RAB4A: variants seen among roughly 807,000 people sequenced by gnomAD.
RAB4A encodes ras-related protein Rab-4A.
Under a neutral mutation model 34.5 loss-of-function variants are expected in RAB4A, and 20 were observed. The ratio of observed to expected loss-of-function variants is 0.58; its 90% CI spans 0.41 to 0.84. The LOEUF is 0.84. Among genes scored for constraint, RAB4A ranks in the 40% least tolerant of loss-of-function variants. RAB4A has a pLI of 0.00. For missense variants in RAB4A, 228 were observed against 274.5 expected (o/e 0.83, Z 1.20); for synonymous variants, 102 against 100.0 (o/e 1.02, Z -0.12).
chr1:229,302,846 C>A lies in RAB4A; in HGVS notation c.542-16C>A. On this transcript the variant is annotated splice_polypyrimidine_tract_variant and intron_variant, in intron 6 of 7. Coordinates refer to ENST00000366690, the MANE Select transcript of RAB4A (RefSeq NM_004578.4). ...CATAAAAGCCTTTTTTAAAAGAAGA[C>A]TTGCTTGGTCCTTAGGTGAGCTGGA... 1 of 1,550,066 alleles carries A rather than the reference C, an allele frequency of 6.5e-7. No homozygotes were observed. Among genetic ancestry groups the A allele is most frequent in the Non-Finnish European group, 8.8e-7 (1 of 1,138,982 alleles).
intron 1 of RAB4A, among the ~76,000 whole-genome samples, chr1:229,285,491 T>C (rs1656899527): frequency 2.0e-5 from 3 of 152,238 alleles, no homozygotes; most frequent in South Asian, 2.1e-4. Flanking sequence ...TGGAGCTTAA[T>C]TGAGGAGGGA....
intron 1 of RAB4A, among the ~76,000 whole-genome samples, chr1:229,282,321 C>T (rs1336169606): frequency 6.6e-6 from 1 of 152,112 alleles, no homozygotes; most frequent in Non-Finnish European, 1.5e-5. Flanking sequence ...TTGTATTTCC[C>T]TTGTAGATAT....
intron 2 of RAB4A, among the ~76,000 whole-genome samples, chr1:229,287,974 G>T (rs1656969839): frequency 6.6e-6 from 1 of 152,250 alleles, no homozygotes; most frequent in African/African-American, 2.4e-5. Flanking sequence ...ATTCCCGCTG[G>T]GTTTAGCAAA....
At chr1:229,280,634 T>C (rs1460501660) in intron 1 of RAB4A, among the ~76,000 whole-genome samples, 2 of 152,202 alleles carry the variant, frequency 1.3e-5, no homozygotes, top group Admixed American at 6.5e-5. Flanking sequence ...GGAGTTCTCA[T>C]GCACCTTTTT....
intron 1 of RAB4A, among the ~76,000 whole-genome samples, chr1:229,282,214 C>G (rs1471752075): frequency 6.6e-6 from 1 of 152,038 alleles, no homozygotes; most frequent in Non-Finnish European, 1.5e-5. Context: ...ACATAGGGCT[C>G]TGGGTTGAAA....
intron 3 of RAB4A, among the ~76,000 whole-genome samples, chr1:229,292,574 G>T (rs1657119583): frequency 6.6e-6 from 1 of 152,158 alleles, no homozygotes; most frequent in Non-Finnish European, 1.5e-5. Flanking sequence ...CTTAAAGCGT[G>T]TGCCTCTTGC....
At chr1:229,286,726 T>A (rs986448365) in intron 2 of RAB4A, among the ~76,000 whole-genome samples, 160 bp downstream of exon 2, 5 of 152,252 alleles carry the variant, frequency 3.3e-5, no homozygotes, top group Non-Finnish European at 7.3e-5. Context: ...TGTGATTTTT[T>A]ATTAAGTTAG....
intron 1 of RAB4A, 74 bp downstream of exon 1, chr1:229,271,444 C>T: frequency 8.8e-7 from 1 of 1,139,420 alleles, no homozygotes; most frequent in Non-Finnish European, 1.1e-6. Flanking sequence ...CGGGCCTGGG[C>T]TGCGGGGGTC....
In RAB4A at chr1:229,271,170, C is replaced by A; in HGVS notation, c.-170C>A. ...TGGAGGGCCCTGCGCCTGCGCGGAG[C>A]TGGAGTCCGGCTGGGCCGCAGCCGC... On this transcript the variant is annotated 5_prime_UTR_variant, in exon 1 of 8. It adds an upstream start codon to the 5' untranslated region. Coordinates refer to ENST00000366690, the MANE Select transcript of RAB4A (RefSeq NM_004578.4). The A allele has an allele frequency of 1.9e-6, 1 of 540,152 alleles. No homozygotes were observed. Among genetic ancestry groups the A allele is most frequent in the Non-Finnish European group, 2.8e-6 (1 of 363,372 alleles). The allele number at this position is 540,152 out of a possible 1,614,324, so 33.5% of individuals were successfully genotyped here.
intron 2 of RAB4A, among the ~76,000 whole-genome samples, chr1:229,288,455 G>C (rs534951855): frequency 6.6e-6 from 1 of 152,202 alleles, no homozygotes; most frequent in African/African-American, 2.4e-5. Flanking sequence ...GATGTGGTTC[G>C]GATATGGCAG....
At chr1:229,293,973 C>A (rs1657166586) in intron 3 of RAB4A, among the ~76,000 whole-genome samples, 1 of 152,126 alleles carries the variant, frequency 6.6e-6, no homozygotes, top group African/African-American at 2.4e-5. Flanking sequence ...GTGGGCCACA[C>A]ATGGCAGCAG....
At chr1:229,295,546 C>T (rs237776) in intron 3 of RAB4A, among the ~76,000 whole-genome samples, 3,307 of 152,158 alleles carry the variant, frequency 0.022, 119 homozygotes, top group African/African-American at 0.075. Context: ...CCCTTAGTGT[C>T]CATCTAGGGG....
At chr1:229,291,369 TCC>T (rs1657064449) in intron 3 of RAB4A, among the ~76,000 whole-genome samples, 1 of 152,104 alleles carries the variant, frequency 6.6e-6, no homozygotes. Flanking sequence ...AGCAGGAAGA[TCC>T]AGCTCAGAAT....
intron 1 of RAB4A, among the ~76,000 whole-genome samples, chr1:229,278,525 A>G (rs1226129328): frequency 6.6e-6 from 1 of 152,180 alleles, no homozygotes; most frequent in Non-Finnish European, 1.5e-5. Flanking sequence ...CATGTCTGCA[A>G]ACTTGCTTAC....
Position 229,304,771 on chromosome 1 carries a change from A to G in RAB4A, c.*978A>G, listed in dbSNP as rs1435927614. The G allele has an allele frequency of 6.5e-6, 1 of 154,088 alleles. No homozygotes were observed. The highest frequency in any genetic ancestry group is 1.4e-5 in the Non-Finnish European group (1 of 69,346). The allele number at this position is 154,088 out of a possible 1,614,324, so 9.5% of individuals were successfully genotyped here. A position where few individuals can be genotyped will look rare whatever the true frequency, so the allele number is the denominator to read the frequency against. Reference sequence around the variant, plus strand: ...AGTTAATATTAAATGGACACCACTCATTAAGAAATTTCTTTATGGCTTCTG... The same window carrying G: ...AGTTAATATTAAATGGACACCACTCGTTAAGAAATTTCTTTATGGCTTCTG... On this transcript the variant is annotated 3_prime_UTR_variant, in exon 8 of 8. Coordinates refer to ENST00000366690, the MANE Select transcript of RAB4A (RefSeq NM_004578.4).
In RAB4A at chr1:229,305,188, CT is replaced by C. The variant is rs1350838705; in HGVS notation, c.*1402del. ...TCTGTTTTAGATATTTTGAGTTTTGCTTTTTTTATGCCTTGAATATTTTATT... is the reference window on the plus strand; with the variant it reads ...TCTGTTTTAGATATTTTGAGTTTTGCTTTTTTATGCCTTGAATATTTTATT... On this transcript the variant is annotated 3_prime_UTR_variant, in exon 8 of 8. Transcript: ENST00000366690. 8.1e-6 allele frequency: 13 copies of C among 1,604,282 alleles called. No homozygotes were observed. Among genetic ancestry groups the C allele is most frequent in the South Asian group, 1.1e-5 (1 of 88,422 alleles).
chr1:229,305,180 G>A lies in RAB4A; in HGVS notation c.*1387G>A. ...AGTATGTATCTGTTTTAGATATTTT[G>A]AGTTTTGCTTTTTTTATGCCTTGAA... On this transcript the variant is annotated 3_prime_UTR_variant, in exon 8 of 8. Coordinates refer to ENST00000366690, the MANE Select transcript of RAB4A (RefSeq NM_004578.4). The A allele has an allele frequency of 6.2e-7, 1 of 1,604,746 alleles. No homozygotes were observed. The highest frequency in any genetic ancestry group is 8.5e-7 in the Non-Finnish European group (1 of 1,176,534).
chr1:229,283,766 G>A (rs1263493263), intron 1 of RAB4A, among the ~76,000 whole-genome samples: 1 of 147,704 alleles, frequency 6.8e-6, no homozygotes, highest in Non-Finnish European at 1.5e-5. Context: ...CATTCTTGCT[G>A]CCCAGGCTGG....
intron 1 of RAB4A, among the ~76,000 whole-genome samples, chr1:229,281,797 T>C (rs1166589917): frequency 2.2e-5 from 3 of 134,502 alleles, no homozygotes; most frequent in Non-Finnish European, 4.7e-5. Context: ...TTACTTCATA[T>C]ATACATAACT....
Sources: gnomAD v4.1 joint callset for allele counts (sites outside exome capture counted in the v4.1 genomes callset) on GRCh38, gnomAD v4.1.1 for gene constraint, MANE v1.5 for transcripts, NCBI Gene and HGNC (gene_info 2026-07-23, HGNC 2026-07-21) for gene names.